MEI4: variants seen among roughly 807,000 people sequenced by gnomAD.
MEI4 encodes meiosis-specific protein MEI4.
MEI4 carries 27 observed loss-of-function variants against 31.4 expected under a neutral mutation model. The observed-to-expected ratio is 0.86, with a 90% CI of 0.63 to 1.19. The LOEUF is 1.19. Among genes scored for constraint, MEI4 ranks in the 50% most tolerant of loss-of-function variants. The pLI, the probability that MEI4 is intolerant of heterozygous loss-of-function variation, is 0.00. For synonymous variants in MEI4, 122 were observed against 145.4 expected, an observed-to-expected ratio of 0.84 and a Z score of 1.16; for missense variants, 329 against 398.9, an observed-to-expected ratio of 0.82 and a Z score of 1.49.
intron 1 of MEI4, among the ~76,000 whole-genome samples, chr6:77,673,562 G>C (rs929868542): frequency 6.6e-6 from 1 of 152,110 alleles, no homozygotes; most frequent in Non-Finnish European, 1.5e-5. Flanking sequence ...CACCCTCTTG[G>C]GGGTGTTGGT....
intron 3 of MEI4, among the ~76,000 whole-genome samples, chr6:77,772,253 C>G (rs1299277215): frequency 1.3e-5 from 1 of 75,144 alleles, no homozygotes; most frequent in Non-Finnish European, 2.3e-5. Context: ...GACAAAGACA[C>G]ATCAAAAAAA....
chr6:77,796,825 A>C (rs1769090097), intron 3 of MEI4, among the ~76,000 whole-genome samples: 1 of 152,212 alleles, frequency 6.6e-6, no homozygotes, highest in South Asian at 2.1e-4. Context: ...TTTCACTGAA[A>C]TATAAAAGAA....
At chr6:77,824,716 C>T (rs535605664) in intron 3 of MEI4, among the ~76,000 whole-genome samples, 1 of 151,038 alleles carries the variant, frequency 6.6e-6, no homozygotes, top group Non-Finnish European at 1.5e-5. Context: ...CTTTAATGTT[C>T]CTGATTCTCA....
intron 3 of MEI4, among the ~76,000 whole-genome samples, chr6:77,827,397 A>G (rs1216295076): frequency 6.6e-6 from 1 of 150,442 alleles, no homozygotes; most frequent in Admixed American, 6.6e-5. Flanking sequence ...GAACCTACAT[A>G]ATTAGGTAAC....
chr6:77,817,497 G>T (rs1007371488), intron 3 of MEI4, among the ~76,000 whole-genome samples: 2 of 152,038 alleles, frequency 1.3e-5, no homozygotes, highest in African/African-American at 4.8e-5. Context: ...TGAACTTTGT[G>T]CCTTTTTCAT....
chr6:77,847,168 C>G lies in MEI4; in HGVS notation c.900+18106C>G, dbSNP rs539929213. Among the ~76,000 whole-genome samples, 194 of 152,136 alleles carry G rather than the reference C, an allele frequency of 1.3e-3. No individual in the cohort carries two copies. Among genetic ancestry groups the G allele is most frequent in the Admixed American group, 3.3e-3 (51 of 15,270 alleles). ...TAAATAAAAGATTCAGTGGTACTTT[C>G]TCTCAATGTTCTGAAATGGTGTGTA... is the stretch of plus-strand genomic sequence containing the variant. On this transcript the variant is annotated intron_variant, in intron 4 of 4. Transcript: ENST00000684080. This position sits in a 1 kb window ranked among gnomAD's most constrained non-coding sequence, Gnocchi z 4.6.
intron 3 of MEI4, among the ~76,000 whole-genome samples, chr6:77,826,666 G>A (rs1769957473): frequency 6.6e-6 from 1 of 152,148 alleles, no homozygotes; most frequent in Non-Finnish European, 1.5e-5. Context: ...TTTCACTTTA[G>A]AGGGAGTATT....
At chr6:77,791,632 G>C (rs937198102) in intron 3 of MEI4, among the ~76,000 whole-genome samples, 1 of 149,806 alleles carries the variant, frequency 6.7e-6, no homozygotes, top group African/African-American at 2.5e-5. Context: ...GTATACATAT[G>C]TAACTAACCT....
chr6:77,745,247 T>C (rs1452722185), intron 2 of MEI4, among the ~76,000 whole-genome samples: 1 of 152,058 alleles, frequency 6.6e-6, no homozygotes. Flanking sequence ...GAGACACACA[T>C]AGGCTCAAAA....
In MEI4 at chr6:77,761,412, A is replaced by G. The variant is rs1480339448; in HGVS notation, c.515A>G (p.Asp172Gly). 1 of 1,232,120 alleles carries G rather than the reference A, an allele frequency of 8.1e-7. No homozygotes were observed. Among genetic ancestry groups the G allele is most frequent in the Non-Finnish European group, 1.0e-6 (1 of 987,936 alleles). 76.3% of individuals were successfully genotyped at this position (1,232,120 alleles called of 1,614,324 possible). A position where few individuals can be genotyped will look rare whatever the true frequency, so the allele number is the denominator to read the frequency against. The change falls in exon 3 of 5, where the codon GAC (aspartate) becomes GGC (glycine). Residue 172 changes from aspartate to glycine, a missense_variant. Transcript: ENST00000684080. ...NLTESGNLKRDLTHFEKDSST... is the reference protein window; with the variant it reads ...NLTESGNLKRGLTHFEKDSST... ...ACAGAATCAGGTAATCTTAAAAGAGACTTAACCCACTTTGAAAAAGACTCT... is the reference window on the plus strand; with the variant it reads ...ACAGAATCAGGTAATCTTAAAAGAGGCTTAACCCACTTTGAAAAAGACTCT...
chr6:77,677,169 T>C (rs1042394612), intron 1 of MEI4, among the ~76,000 whole-genome samples: 1 of 152,218 alleles, frequency 6.6e-6, no homozygotes, highest in African/African-American at 2.4e-5. Context: ...AGAAACAGAA[T>C]TGTTTTAAAA....
intron 1 of MEI4, among the ~76,000 whole-genome samples, chr6:77,684,789 T>G (rs1769022166): frequency 6.6e-6 from 1 of 152,204 alleles, no homozygotes; most frequent in Non-Finnish European, 1.5e-5. Flanking sequence ...AAATCTTAGT[T>G]ATTGTAAATA....
intron 1 of MEI4, among the ~76,000 whole-genome samples, chr6:77,685,697 T>C (rs1769042661): frequency 6.6e-6 from 1 of 152,164 alleles, no homozygotes; most frequent in South Asian, 2.1e-4. Context: ...TAAGTCTTTA[T>C]TGCATTTTAA....
chr6:77,818,046 T>C (rs1028615159), intron 3 of MEI4, among the ~76,000 whole-genome samples: 1 of 152,198 alleles, frequency 6.6e-6, no homozygotes, highest in Non-Finnish European at 1.5e-5. Flanking sequence ...AAACAAACCA[T>C]TGAACAGTTT....
intron 4 of MEI4, among the ~76,000 whole-genome samples, chr6:77,875,666 T>G (rs890486596): frequency 6.6e-6 from 1 of 152,166 alleles, no homozygotes; most frequent in Non-Finnish European, 1.5e-5. Flanking sequence ...ACAGATTGTT[T>G]TATACTAAAT....
intron 2 of MEI4, among the ~76,000 whole-genome samples, chr6:77,756,918 G>A (rs763177599): frequency 3.3e-5 from 5 of 152,198 alleles, no homozygotes; most frequent in African/African-American, 1.2e-4. Flanking sequence ...AGGATGACAA[G>A]AGACAGGGCC....
intron 4 of MEI4, among the ~76,000 whole-genome samples, chr6:77,879,472 A>T (rs1177992504): frequency 6.6e-6 from 1 of 152,188 alleles, no homozygotes; most frequent in Admixed American, 6.5e-5. Flanking sequence ...TCCCCTTCAA[A>T]TCTAGTTTTT....
chr6:77,833,226 C>T (rs985219488), intron 4 of MEI4, among the ~76,000 whole-genome samples: 5 of 151,624 alleles, frequency 3.3e-5, no homozygotes, highest in African/African-American at 1.2e-4. Flanking sequence ...TTTCTATTTA[C>T]TTTAATAATA....
At chr6:77,681,875 A>G (rs912869064) in intron 1 of MEI4, among the ~76,000 whole-genome samples, 2 of 152,160 alleles carry the variant, frequency 1.3e-5, no homozygotes, top group African/African-American at 2.4e-5. Context: ...AGGCTTCCAC[A>G]GGGGCCCTTA....
Sources: allele counts gnomAD v4.1 joint callset (sites outside exome capture counted in the v4.1 genomes callset), GRCh38; gene constraint gnomAD v4.1.1; non-coding constraint Gnocchi (gnomAD v3.1); transcripts MANE v1.5; gene names NCBI Gene and HGNC (gene_info 2026-07-23, HGNC 2026-07-21).